The following ANKIB1 variants were observed in gnomAD, a reference collection of about 807,000 sequenced individuals.
ANKIB1 encodes ankyrin repeat and IBR domain-containing protein 1.
In ANKIB1, 43 loss-of-function variants were observed where a neutral mutation model predicts 122.1. That is an observed-to-expected ratio of 0.35 (90% CI 0.28 to 0.45). The LOEUF (loss-of-function observed/expected upper bound fraction) is 0.45. Among genes scored for constraint, ANKIB1 ranks in the 20% least tolerant of loss-of-function variants. ANKIB1 has a pLI of 1.00. For synonymous variants in ANKIB1, 390 were observed against 442.0 expected, an observed-to-expected ratio of 0.88 and a Z score of 1.48; for missense variants, 992 against 1,329.5, an observed-to-expected ratio of 0.75 and a Z score of 3.95.
At chr7:92,260,058 G>A (rs1801528567) in intron 1 of ANKIB1, among the ~76,000 whole-genome samples, 1 of 152,028 alleles carries the variant, frequency 6.6e-6, no homozygotes, top group Non-Finnish European at 1.5e-5. Context: ...CAGACAGCTA[G>A]GCTAGTCCTG....
chr7:92,294,220 C>T (rs1203887886), intron 1 of ANKIB1, among the ~76,000 whole-genome samples: 2 of 152,076 alleles, frequency 1.3e-5, no homozygotes, highest in African/African-American at 2.4e-5. Flanking sequence ...TATGCATAAA[C>T]ATTTGATGTT....
chr7:92,277,147 C>T (rs1205643508), intron 1 of ANKIB1, among the ~76,000 whole-genome samples: 2 of 152,136 alleles, frequency 1.3e-5, no homozygotes, highest in Admixed American at 6.5e-5. Flanking sequence ...GGAGCAGATG[C>T]GGTCATCATG....
At position 92,307,334 on chromosome 7, in the gene ANKIB1, A is replaced by AT. The variant is rs777637627; in HGVS notation, c.189-20dup. The AT allele has an allele frequency of 1.9e-6, 3 of 1,582,780 alleles. No homozygotes were observed. The African/African-American group carries it at 4.1e-5, about 21-fold the overall frequency. On this transcript the variant is annotated intron_variant, in intron 2 of 19. Transcript: ENST00000265742. ...AGAAAATAAGTGATTTTCATCCTTT[A>AT]TTTTTCCCTTTCTTTCCATTTTAGG... is the stretch of plus-strand genomic sequence containing the variant.
At position 92,352,515 on chromosome 7, in the gene ANKIB1, A is replaced by C; in HGVS notation, c.1270A>C (p.Thr424Pro). ...ENNPAIKWCP[T>P]PGCDRAVRLT... ...TAATCCTGCCATTAAATGGTGTCCT[A>C]CTCCAGGCTGTGACAGAGCAGTAAG... is the stretch of plus-strand genomic sequence containing the variant. The change falls in exon 9 of 20, where the codon ACT becomes CCT. Residue 424 changes from threonine to proline, a missense_variant. Physicochemically the swap from Thr to Pro is conservative, Grantham distance 38 (BLOSUM62 -1). Around this residue, in one of 4 missense-constraint regions of ANKIB1, gnomAD observed 521 missense variants for 777.7 expected, o/e 0.67. Coordinates refer to ENST00000265742, the MANE Select transcript of ANKIB1 (RefSeq NM_019004.2). 1 of 1,613,644 alleles carries C rather than the reference A, an allele frequency of 6.2e-7. No homozygotes were observed. Among genetic ancestry groups the C allele is most frequent in the Non-Finnish European group, 8.5e-7 (1 of 1,179,804 alleles).
At chr7:92,271,713 TC>T (rs1170620161) in intron 1 of ANKIB1, among the ~76,000 whole-genome samples, 1 of 152,188 alleles carries the variant, frequency 6.6e-6, no homozygotes, top group Non-Finnish European at 1.5e-5. Flanking sequence ...ATAGCAGGAA[TC>T]TAGATTGAGT....
At chr7:92,288,483 A>G (rs752289039) in intron 1 of ANKIB1, among the ~76,000 whole-genome samples, 1 of 152,226 alleles carries the variant, frequency 6.6e-6, no homozygotes, top group Non-Finnish European at 1.5e-5. Flanking sequence ...AACACAGTCA[A>G]TTGGCTTTTT....
intron 1 of ANKIB1, among the ~76,000 whole-genome samples, chr7:92,256,099 A>G (rs1801438958): frequency 6.6e-6 from 1 of 152,216 alleles, no homozygotes. Flanking sequence ...TTGATAGAGA[A>G]AACAACTTTT....
At chr7:92,347,910 T>A in intron 7 of ANKIB1, 1 of 396,164 alleles carries the variant, frequency 2.5e-6, no homozygotes, top group Non-Finnish European at 4.9e-6. Context: ...CATATAGTAA[T>A]CGTTCAATAA....
intron 3 of ANKIB1, among the ~76,000 whole-genome samples, chr7:92,315,282 A>G (rs963338414): frequency 6.6e-6 from 1 of 152,202 alleles, no homozygotes. Context: ...TTCATTTAGA[A>G]GGCTAGATAT....
chr7:92,246,253 TG>T lies in ANKIB1; in HGVS notation c.-351del. ...AGGCGGCGCAGCGGCCGGAGAGGGA[TG>T]GGGGGCGCCCACCCAGTCTGAGCCT... On this transcript the variant is annotated 5_prime_UTR_variant, in exon 1 of 20. The change abolishes the stop of an existing upstream ORF in the 5' untranslated region. Coordinates refer to ENST00000265742, the MANE Select transcript of ANKIB1 (RefSeq NM_019004.2). The T allele has an allele frequency of 1.0e-5, 4 of 386,968 alleles. No individual in the cohort carries two copies. The highest frequency in any genetic ancestry group is 3.7e-5 in the Admixed American group (1 of 27,362). 24.0% of individuals were successfully genotyped at this position (386,968 alleles called of 1,614,324 possible). A position where few individuals can be genotyped will look rare whatever the true frequency, so the allele number is the denominator to read the frequency against.
chr7:92,350,867 A>AC (rs1400352905), intron 7 of ANKIB1, 83 bp from the exon 8 acceptor site: 13 of 1,350,748 alleles, frequency 9.6e-6, no homozygotes, highest in Non-Finnish European at 3.0e-6. Context: ...TAAAAAAAAA[A>AC]GGAAAGAAAA....
At chr7:92,363,318 G>C (rs1009753961) in intron 10 of ANKIB1, among the ~76,000 whole-genome samples, 1 of 152,162 alleles carries the variant, frequency 6.6e-6, no homozygotes, top group Admixed American at 6.5e-5. Context: ...GGCTGAGGCA[G>C]GAGAATTGCT....
intron 1 of ANKIB1, among the ~76,000 whole-genome samples, chr7:92,280,660 C>T (rs1207940713): frequency 6.6e-6 from 1 of 152,110 alleles, no homozygotes; most frequent in Non-Finnish European, 1.5e-5. Context: ...TGGATGTATC[C>T]CCCAACCCCC....
At chr7:92,316,441 T>C (rs1230667252) in intron 3 of ANKIB1, among the ~76,000 whole-genome samples, 1 of 152,230 alleles carries the variant, frequency 6.6e-6, no homozygotes. Context: ...TGTCAGGCAT[T>C]ATTGCTGTCA....
chr7:92,355,326 T>G (rs772876857), intron 9 of ANKIB1, among the ~76,000 whole-genome samples: 7 of 152,142 alleles, frequency 4.6e-5, no homozygotes, highest in Non-Finnish European at 8.8e-5. Context: ...TGACACAAAG[T>G]GTCTCTCTTC....
chr7:92,279,042 C>T (rs984977301), intron 1 of ANKIB1, among the ~76,000 whole-genome samples: 1 of 152,092 alleles, frequency 6.6e-6, no homozygotes, highest in Admixed American at 6.6e-5. Context: ...GGGATGGTGT[C>T]GGGATGAAAC....
chr7:92,318,193 T>C (rs1484959374), intron 3 of ANKIB1, among the ~76,000 whole-genome samples: 1 of 152,164 alleles, frequency 6.6e-6, no homozygotes, highest in Non-Finnish European at 1.5e-5. Flanking sequence ...ACTGTTACTA[T>C]ATTATTATGA....
intron 16 of ANKIB1, among the ~76,000 whole-genome samples, chr7:92,391,914 G>C (rs572944480): frequency 6.6e-6 from 1 of 151,784 alleles, no homozygotes; most frequent in African/African-American, 2.4e-5. Flanking sequence ...CATTCCTTTG[G>C]CACTATTTTA....
intron 11 of ANKIB1, among the ~76,000 whole-genome samples, chr7:92,372,527 CTT>C (rs1292283233): frequency 6.6e-6 from 1 of 152,122 alleles, no homozygotes; most frequent in Non-Finnish European, 1.5e-5. Flanking sequence ...AGTGGCCAGA[CTT>C]TAGGTCTGCT....
Sources: allele counts gnomAD v4.1 joint callset (sites outside exome capture counted in the v4.1 genomes callset), GRCh38; gene constraint gnomAD v4.1.1; regional missense constraint gnomAD v4.1.1; transcripts MANE v1.5; gene names NCBI Gene and HGNC (gene_info 2026-07-23, HGNC 2026-07-21).